SP4: variants seen among roughly 807,000 people sequenced by gnomAD.
SP4 encodes the protein transcription factor Sp4.
SP4 carries 19 observed loss-of-function variants against 72.8 expected under a neutral mutation model. The ratio of observed to expected loss-of-function variants is 0.26; its 90% CI spans 0.18 to 0.38. The LOEUF (loss-of-function observed/expected upper bound fraction) is 0.38, where lower values mean the gene tolerates loss of function less well. Ranked by LOEUF, SP4 falls within the 10% of genes least tolerant of loss-of-function variation. The pLI is 1.00. For synonymous variants in SP4, 395 were observed against 333.1 expected (o/e 1.19, Z -2.02); for missense variants, 1,008 against 926.3 (o/e 1.09, Z -1.14).
chr7:21,463,630 A>G (rs1319955656), intron 3 of SP4, among the ~76,000 whole-genome samples: 1 of 152,212 alleles, frequency 6.6e-6, no homozygotes, highest in Non-Finnish European at 1.5e-5. Context: ...TGAAAGGGAC[A>G]GGAAGTTAAA....
At chr7:21,481,643 GAT>G (rs756822936) in intron 4 of SP4, among the ~76,000 whole-genome samples, 2 of 152,168 alleles carry the variant, frequency 1.3e-5, no homozygotes, top group African/African-American at 2.4e-5. Flanking sequence ...GGCTTAGAGA[GAT>G]TTTTTTCCCA....
chr7:21,508,576 C>T (rs1241042020), intron 5 of SP4, among the ~76,000 whole-genome samples: 6 of 152,128 alleles, frequency 3.9e-5, no homozygotes, highest in African/African-American at 9.7e-5. Context: ...GTCCACCCAC[C>T]TCAGCCTCCT....
At chr7:21,488,598 T>C (rs1446686490) in intron 5 of SP4, among the ~76,000 whole-genome samples, 1 of 151,910 alleles carries the variant, frequency 6.6e-6, no homozygotes, top group Admixed American at 6.6e-5. Flanking sequence ...TCTTAAACTT[T>C]AAAGGGTTAC....
chr7:21,496,304 A>G (rs1293794314), intron 5 of SP4, among the ~76,000 whole-genome samples: 1 of 152,250 alleles, frequency 6.6e-6, no homozygotes, highest in Non-Finnish European at 1.5e-5. Context: ...TTGAGAGACT[A>G]CAGTGTAAAA....
intron 3 of SP4, among the ~76,000 whole-genome samples, chr7:21,459,694 T>A (rs1783891499): frequency 6.6e-6 from 1 of 152,250 alleles, no homozygotes; most frequent in South Asian, 2.1e-4. Flanking sequence ...TATTTTCTGC[T>A]CTCATGGAAG....
intron 3 of SP4, among the ~76,000 whole-genome samples, chr7:21,442,857 T>C (rs960865334): frequency 2.0e-5 from 3 of 152,148 alleles, no homozygotes; most frequent in African/African-American, 7.2e-5. Context: ...TGCCTCAGCC[T>C]CCTGAGTAGC....
At chr7:21,453,088 T>C (rs1418571410) in intron 3 of SP4, among the ~76,000 whole-genome samples, 1 of 152,170 alleles carries the variant, frequency 6.6e-6, no homozygotes, top group Admixed American at 6.5e-5. Flanking sequence ...TACTCAATTG[T>C]TAAAAGCTGT....
At chr7:21,432,885 T>C (rs1261931709) in intron 3 of SP4, among the ~76,000 whole-genome samples, 4 of 152,160 alleles carry the variant, frequency 2.6e-5, no homozygotes, top group African/African-American at 7.2e-5. Flanking sequence ...TCTCAGCGTC[T>C]TGGGAGGCTG....
intron 3 of SP4, among the ~76,000 whole-genome samples, chr7:21,467,110 C>G (rs764665762): frequency 1.6e-4 from 24 of 151,974 alleles, no homozygotes; most frequent in Non-Finnish European, 2.9e-4. Flanking sequence ...CCAGGTAATT[C>G]TTTGTTTTTG....
chr7:21,476,057 G>T (rs1784490513), intron 3 of SP4, among the ~76,000 whole-genome samples: 1 of 152,068 alleles, frequency 6.6e-6, no homozygotes, highest in African/African-American at 2.4e-5. Flanking sequence ...AATCACCTGA[G>T]GTCAGGAGTT....
chr7:21,509,847 G>C (rs926177285), intron 5 of SP4, among the ~76,000 whole-genome samples: 1 of 152,120 alleles, frequency 6.6e-6, no homozygotes, highest in Non-Finnish European at 1.5e-5. Context: ...TGCTGATAAA[G>C]ACATACCTAG....
chr7:21,429,899 C>G lies in SP4; in HGVS notation c.734C>G (p.Thr245Ser). ...GTTTCAATACCACTGCAGTTACAGA[C>G]TCTTCCTGGTACTCAGGCTCAAGTT... ...PGVSIPLQLQ[T>S]LPGTQAQVVT... The change falls in exon 3 of 6, where the codon ACT becomes AGT. Residue 245 changes from threonine (T) to serine (S), a missense_variant. Transcript: ENST00000222584. 1 of 1,614,112 alleles carries G rather than the reference C, an allele frequency of 6.2e-7. No individual in the cohort carries two copies. The highest frequency in any genetic ancestry group is 1.1e-5 in the South Asian group (1 of 91,084).
At position 21,513,922 on chromosome 7, in the gene SP4, A is replaced by G. The variant is rs1782206731; in HGVS notation, c.*2653A>G. The G allele has an allele frequency of 6.6e-6, 1 of 152,498 alleles. No individual in the cohort carries two copies. 9.4% of individuals were successfully genotyped at this position (152,498 alleles called of 1,614,324 possible). On this transcript the variant is annotated 3_prime_UTR_variant, in exon 6 of 6. Transcript: ENST00000222584. ...ACTTTTCTGTCTTTAGAAGAATCGTAAATTTCAGTGTCCTTTATTTGACTC... is the reference window on the plus strand; with the variant it reads ...ACTTTTCTGTCTTTAGAAGAATCGTGAATTTCAGTGTCCTTTATTTGACTC...
At chr7:21,499,696 G>A (rs1781817278) in intron 5 of SP4, among the ~76,000 whole-genome samples, 1 of 152,118 alleles carries the variant, frequency 6.6e-6, no homozygotes, top group African/African-American at 2.4e-5. Flanking sequence ...ATAGAAGCCC[G>A]AGGAAACTAA....
At chr7:21,495,902 GTAC>G (rs1781693158) in intron 5 of SP4, among the ~76,000 whole-genome samples, 1 of 152,116 alleles carries the variant, frequency 6.6e-6, no homozygotes, top group Non-Finnish European at 1.5e-5. Context: ...ATACATTGGA[GTAC>G]TACTCCCCAA....
At chr7:21,451,272 G>T (rs1418713170) in intron 3 of SP4, among the ~76,000 whole-genome samples, 1 of 152,182 alleles carries the variant, frequency 6.6e-6, no homozygotes, top group Non-Finnish European at 1.5e-5. Context: ...CTGATTGCCA[G>T]CTTCAGGTGT....
chr7:21,482,098 C>A lies in SP4; in HGVS notation c.2082C>A (p.Leu694=). The part of the protein sequence containing the change: ...CGKRFTRSDE[L]QRHRRTHTGE... Reference sequence around the variant, plus strand: ...AAAGATTCACACGGAGTGATGAGCTCCAGAGACATAGAAGAACCCATACAG... The same window carrying A: ...AAAGATTCACACGGAGTGATGAGCTACAGAGACATAGAAGAACCCATACAG... Residue 694 remains leucine, a synonymous_variant, in exon 5 of 6, where the codon CTC becomes CTA. Transcript: ENST00000222584. 1 of 1,613,900 alleles carries A rather than the reference C, an allele frequency of 6.2e-7. No individual in the cohort carries two copies. Among genetic ancestry groups the A allele is most frequent in the Non-Finnish European group, 8.5e-7 (1 of 1,179,846 alleles).
chr7:21,479,954 T>C lies in SP4; in HGVS notation c.1908-1970T>C, dbSNP rs569861159. ...GTATTAATCTTTTATCCTGCAACTTTTGCTGAACTTTTTGATTAGTTATAA... is the reference window on the plus strand; with the variant it reads ...GTATTAATCTTTTATCCTGCAACTTCTGCTGAACTTTTTGATTAGTTATAA... On this transcript the variant is annotated intron_variant, in intron 4 of 5. Transcript: ENST00000222584. Among the ~76,000 whole-genome samples the C allele has an allele frequency of 8.6e-5, 13 of 151,034 alleles. 1 individual carries two copies. The Middle Eastern group carries it at 0.01, about 119-fold the overall frequency.
intron 3 of SP4, among the ~76,000 whole-genome samples, chr7:21,453,672 A>ATT (rs775915471): frequency 1.2e-4 from 19 of 152,332 alleles, no homozygotes; most frequent in Non-Finnish European, 2.4e-4. Flanking sequence ...AATCTTAATC[A>ATT]GTTTGCCCTC....
Sources: allele counts gnomAD v4.1 joint callset (sites outside exome capture counted in the v4.1 genomes callset), GRCh38; gene constraint gnomAD v4.1.1; transcripts MANE v1.5; gene names NCBI Gene and HGNC (gene_info 2026-07-23, HGNC 2026-07-21).